Variants in FRMPD2 observed in about 807,000 individuals in gnomAD.
The protein encoded by FRMPD2 is FERM and PDZ domain-containing protein 2.
In FRMPD2, 96 loss-of-function variants were observed where a neutral mutation model predicts 140.1. The observed-to-expected ratio is 0.69, with a 90% CI of 0.58 to 0.81. The LOEUF (loss-of-function observed/expected upper bound fraction) is 0.81. Among genes scored for constraint, FRMPD2 ranks in the 40% least tolerant of loss-of-function variants. FRMPD2 has a pLI of 0.00. For missense variants in FRMPD2, 1,240 were observed against 1,447.4 expected, an observed-to-expected ratio of 0.86 and a Z score of 2.32; for synonymous variants, 449 against 547.6, an observed-to-expected ratio of 0.82 and a Z score of 2.52.
chr10:48,259,445 T>C (rs1342153386), intron 1 of FRMPD2, among the ~76,000 whole-genome samples: 3 of 152,224 alleles, frequency 2.0e-5, no homozygotes, highest in South Asian at 4.1e-4. Flanking sequence ...CTTCAATTTA[T>C]TAAAGTTCTG....
intron 1 of FRMPD2, among the ~76,000 whole-genome samples, chr10:48,266,176 G>A (rs1170087830): frequency 6.6e-6 from 1 of 152,126 alleles, no homozygotes; most frequent in Non-Finnish European, 1.5e-5. Context: ...GAGAACATAT[G>A]GACACAAAGT....
At position 48,238,057 on chromosome 10, in the gene FRMPD2, G is replaced by T. The variant is rs1840010827; in HGVS notation, c.855C>A (p.His285Gln). The change falls in exon 8 of 29, where the codon CAC (histidine) becomes CAA (glutamine). Residue 285 changes from histidine (H) to glutamine (Q), a missense_variant. Coordinates refer to ENST00000374201, the MANE Select transcript of FRMPD2 (RefSeq NM_001018071.4). ...TTGGCCATGAGCTGTCTGCTGCCGA[G>T]TGCACAGATCCAGAGCTGAGCCTCC... The part of the protein sequence containing the change: ...AGRRLSSGSV[H>Q]SAADSSWPTT... 4 of 1,613,928 alleles carry T rather than the reference G, an allele frequency of 2.5e-6. No individual in the cohort carries two copies. The highest frequency in any genetic ancestry group is 3.4e-6 in the Non-Finnish European group (4 of 1,180,044).
chr10:48,240,236 A>G (rs1840072858), intron 6 of FRMPD2, 124 bp downstream of exon 6: 1 of 1,087,290 alleles, frequency 9.2e-7, no homozygotes, highest in African/African-American at 1.6e-5. Context: ...GGGCTTCCTG[A>G]AAGAGTGGCA....
At chr10:48,186,458 C>T (rs749739444) in intron 17 of FRMPD2, among the ~76,000 whole-genome samples, 4 of 152,188 alleles carry the variant, frequency 2.6e-5, no homozygotes, top group Non-Finnish European at 4.4e-5. Flanking sequence ...AACTGAATCA[C>T]GGGGGCTGGT....
At position 48,178,180 on chromosome 10, in the gene FRMPD2, G is replaced by A. The variant is rs782786839; in HGVS notation, c.2791-29C>T. On this transcript the variant is annotated intron_variant, in intron 21 of 28. Transcript: ENST00000374201. ...CCATAAACAAACAAACAAAAATAAAGATGGGATGAAGGAAGATGTCACCTC... is the reference window on the plus strand; with the variant it reads ...CCATAAACAAACAAACAAAAATAAAAATGGGATGAAGGAAGATGTCACCTC... 34 of 1,333,438 alleles carry A rather than the reference G, an allele frequency of 2.5e-5. No individual in the cohort carries two copies. The South Asian group carries it at 3.5e-4, about 14-fold the overall frequency. The allele number at this position is 1,333,438 out of a possible 1,614,324, so 82.6% of individuals were successfully genotyped here. A position where few individuals can be genotyped will look rare whatever the true frequency, so the allele number is the denominator to read the frequency against.
intron 28 of FRMPD2, chr10:48,158,905 G>A (rs1837861070): frequency 3.1e-6 from 1 of 326,290 alleles, no homozygotes; most frequent in South Asian, 2.4e-5. Context: ...GCTTGCTACA[G>A]AATGTTTACT....
chr10:48,214,616 C>CT (rs1378124864), intron 12 of FRMPD2, among the ~76,000 whole-genome samples: 2 of 152,094 alleles, frequency 1.3e-5, no homozygotes, highest in East Asian at 1.9e-4. Context: ...TCTATTAAAA[C>CT]TTTTTTTAAG....
intron 10 of FRMPD2, 86 bp downstream of exon 10, chr10:48,232,029 T>C: frequency 7.8e-7 from 1 of 1,282,778 alleles, no homozygotes; most frequent in Non-Finnish European, 1.1e-6. Flanking sequence ...CAAACAGTTT[T>C]CCCAGAAGAA....
intron 24 of FRMPD2, 99 bp downstream of exon 24, chr10:48,174,771 C>T: frequency 2.0e-6 from 2 of 984,232 alleles, no homozygotes; most frequent in Non-Finnish European, 3.2e-6. Flanking sequence ...AGTCTTGTTT[C>T]TTGCCTGCCT....
intron 13 of FRMPD2, among the ~76,000 whole-genome samples, chr10:48,208,056 A>T (rs987437362): frequency 1.3e-5 from 2 of 151,120 alleles, no homozygotes; most frequent in Admixed American, 1.3e-4. Context: ...CATCATCATC[A>T]TTATCATCAT....
rs546581677 is a variant in FRMPD2 at position 48,262,793 on chromosome 10, G to A, written c.26-11102C>T. Among the ~76,000 whole-genome samples, 8 of 151,968 alleles carry A rather than the reference G, an allele frequency of 5.3e-5. No individual in the cohort carries two copies. In the East Asian group the frequency reaches 1.5e-3, roughly 29 times the overall value. ...ATGTTTATTTATGTATTTATTTTTT[G>A]AGACAGGTTCTTGCCCTGTTGCCCA... On this transcript the variant is annotated intron_variant, in intron 1 of 28. Coordinates refer to ENST00000374201, the MANE Select transcript of FRMPD2 (RefSeq NM_001018071.4).
intron 22 of FRMPD2, among the ~76,000 whole-genome samples, chr10:48,176,899 C>G (rs1838423574): frequency 6.6e-6 from 1 of 152,104 alleles, no homozygotes; most frequent in South Asian, 2.1e-4. Context: ...AACACATATT[C>G]TTGCTCTAGG....
In FRMPD2 at chr10:48,175,036, A is replaced by G. The variant is rs1838369856; in HGVS notation, c.2990-81T>C. 4.7e-6 allele frequency: 3 copies of G among 638,400 alleles called. No homozygotes were observed. The Admixed American group carries it at 9.3e-5, about 20-fold the overall frequency. 39.5% of individuals were successfully genotyped at this position (638,400 alleles called of 1,614,324 possible). ...CCCTTCCAGGAGGCCCCTGCCCGGC[A>G]CCCCTCCATGCAGCCTGGAGAAGTG... is the stretch of plus-strand genomic sequence containing the variant. On this transcript the variant is annotated intron_variant, in intron 23 of 28. Coordinates refer to ENST00000374201, the MANE Select transcript of FRMPD2 (RefSeq NM_001018071.4).
chr10:48,227,863 A>C (rs1411800252), intron 10 of FRMPD2, among the ~76,000 whole-genome samples: 1 of 152,202 alleles, frequency 6.6e-6, no homozygotes. Flanking sequence ...TAAATATAGA[A>C]GCTAGTTTAA....
intron 1 of FRMPD2, among the ~76,000 whole-genome samples, chr10:48,257,172 A>G (rs1588858332): frequency 6.9e-6 from 1 of 144,710 alleles, no homozygotes; most frequent in African/African-American, 2.5e-5. Context: ...TCTGTTTTAA[A>G]TCTCCCAGTC....
chr10:48,262,707 A>G (rs531101922), intron 1 of FRMPD2, among the ~76,000 whole-genome samples: 22 of 152,306 alleles, frequency 1.4e-4, no homozygotes, highest in African/African-American at 5.3e-4. Context: ...GCAGTTTCAC[A>G]TGGAACACTC....
chr10:48,224,586 G>A (rs1319375889), intron 10 of FRMPD2, among the ~76,000 whole-genome samples: 3 of 152,196 alleles, frequency 2.0e-5, no homozygotes, highest in Non-Finnish European at 4.4e-5. Context: ...CCCTTAGGAT[G>A]AATTCTCCCC....
chr10:48,227,552 G>A (rs551914611), intron 10 of FRMPD2, among the ~76,000 whole-genome samples: 7 of 152,316 alleles, frequency 4.6e-5, no homozygotes, highest in Admixed American at 2.6e-4. Flanking sequence ...GTTGGATCTC[G>A]AGGGGGGTAC....
At chr10:48,255,948 C>G (rs1472235564) in intron 1 of FRMPD2, among the ~76,000 whole-genome samples, 1 of 152,172 alleles carries the variant, frequency 6.6e-6, no homozygotes, top group African/African-American at 2.4e-5. Context: ...CCCATCTGCC[C>G]GCAGACCTCT....
Sources: allele counts gnomAD v4.1 joint callset (sites outside exome capture counted in the v4.1 genomes callset), GRCh38; gene constraint gnomAD v4.1.1; transcripts MANE v1.5; gene names NCBI Gene and HGNC (gene_info 2026-07-23, HGNC 2026-07-21).